BRD4: variants seen among roughly 807,000 people sequenced by gnomAD.
BRD4 encodes bromodomain containing 4, also known as bromodomain-containing protein 4.
A neutral mutation model predicts 142.1 loss-of-function variants in BRD4; 16 were observed. The ratio of observed to expected loss-of-function variants is 0.11; its 90% CI spans 0.08 to 0.17. The LOEUF is 0.17. Ranked by LOEUF, BRD4 falls within the 10% of genes least tolerant of loss-of-function variation. BRD4 has a pLI of 1.00. For synonymous variants in BRD4, 833 were observed against 707.5 expected (o/e 1.18, Z -2.82); for missense variants, 1,424 against 1,810.9 (o/e 0.79, Z 3.88).
In BRD4 at chr19:15,314,635, G is replaced by A. The variant is rs559512750; in HGVS notation, c.-35+17655C>T. ...CAATGACAGCATCCATGAGGATGTCGACAAGCTCCACATGGTCAAGGAACT... is the reference window on the plus strand; with the variant it reads ...CAATGACAGCATCCATGAGGATGTCAACAAGCTCCACATGGTCAAGGAACT... On this transcript the variant is annotated intron_variant, in intron 1 of 19. Coordinates refer to ENST00000679869, the MANE Select transcript of BRD4 (RefSeq NM_001379291.1). 1.2e-4 allele frequency among the ~76,000 whole-genome samples: 19 copies of A among 152,210 alleles called. No homozygotes were observed. The South Asian group carries it at 2.9e-3, about 23-fold the overall frequency.
chr19:15,296,930 C>G (rs535100201), intron 1 of BRD4, among the ~76,000 whole-genome samples: 13 of 152,202 alleles, frequency 8.5e-5, no homozygotes, highest in African/African-American at 2.2e-4. Context: ...AGAAGCCCCC[C>G]CCACCAACAG....
chr19:15,253,544 A>G (rs1395003732), intron 11 of BRD4: 2 of 1,548,622 alleles, frequency 1.3e-6, no homozygotes, highest in African/African-American at 2.7e-5. Context: ...GTGCGTGTGG[A>G]GTTAGGGCAG....
chr19:15,316,485 G>A (rs1427486833), intron 1 of BRD4, among the ~76,000 whole-genome samples: 1 of 152,108 alleles, frequency 6.6e-6, no homozygotes, highest in East Asian at 1.9e-4. Flanking sequence ...CAGCAACTCA[G>A]GAGGCTGAGG....
At chr19:15,310,213 CTTT>C (rs34519343) in intron 1 of BRD4, among the ~76,000 whole-genome samples, 6 of 122,404 alleles carry the variant, frequency 4.9e-5, no homozygotes, top group Admixed American at 1.8e-4. Context: ...TTAAACAGTC[CTTT>C]TTTTTTTTTT....
chr19:15,283,577 C>T (rs2047720377), intron 1 of BRD4, among the ~76,000 whole-genome samples: 1 of 152,166 alleles, frequency 6.6e-6, no homozygotes, highest in Admixed American at 6.5e-5. Context: ...TTCATGACCA[C>T]AATGCCTGTG....
Position 15,236,879 on chromosome 19 carries a change from C to T in BRD4, c.*1498G>A, listed in dbSNP as rs2047195726. ...GTGTTTATTCCATGATCAGTACAGA[C>T]CAAATGCATATTCACCGTATGAAAG... On this transcript the variant is annotated 3_prime_UTR_variant, in exon 20 of 20. Coordinates refer to ENST00000679869, the MANE Select transcript of BRD4 (RefSeq NM_001379291.1). 1.0e-5 allele frequency: 2 copies of T among 197,988 alleles called. No homozygotes were observed. The highest frequency in any genetic ancestry group is 2.1e-5 in the Non-Finnish European group (2 of 95,782). 12.3% of individuals were successfully genotyped at this position (197,988 alleles called of 1,614,324 possible).
At chr19:15,308,115 C>CAA (rs57642262) in intron 1 of BRD4, among the ~76,000 whole-genome samples, 1,843 of 21,120 alleles carry the variant, frequency 0.087, 116 homozygotes, top group Non-Finnish European at 0.11. Context: ...GACTCCGTCT[C>CAA]AAAAAAAAAA....
chr19:15,282,001 G>C, intron 1 of BRD4, among the ~76,000 whole-genome samples: 1 of 151,908 alleles, frequency 6.6e-6, no homozygotes, highest in East Asian at 1.9e-4. Context: ...CTGGGCAACA[G>C]AGCGAGACTC....
intron 9 of BRD4, 133 bp from the exon 10 acceptor site, chr19:15,255,725 G>A (rs1003528201): frequency 1.0e-5 from 12 of 1,188,294 alleles, no homozygotes; most frequent in African/African-American, 3.1e-5. Context: ...CACAGGAAAC[G>A]GGGCATGGGC....
intron 1 of BRD4, among the ~76,000 whole-genome samples, chr19:15,315,966 C>A (rs1329693738): frequency 6.8e-6 from 1 of 147,114 alleles, no homozygotes; most frequent in African/African-American, 2.5e-5. Context: ...CCATCCTGGT[C>A]TAACTCGATG....
intron 7 of BRD4, among the ~76,000 whole-genome samples, chr19:15,262,289 G>A (rs2047479906): frequency 6.6e-6 from 1 of 152,146 alleles, no homozygotes; most frequent in Admixed American, 6.5e-5. Context: ...AGCCCGCTGA[G>A]GCCTACAATG....
Position 15,239,224 on chromosome 19 carries a change from A to G in BRD4, c.3617T>C (p.Val1206Ala). ...IKNMGSWASL[V>A]QKHPTTPSST... ...GGAGGGGGTGGTCGGATGCTTCTGC[A>G]CTAGGCTGGCCCAGGAGCCCATGTT... Residue 1206 changes from valine to alanine, a missense_variant, in exon 18 of 20, where the codon GTG (valine) becomes GCG (alanine). Physicochemically the swap from Val to Ala is moderately conservative, Grantham distance 64 (BLOSUM62 0). This residue lies in a region of BRD4 where 49 missense variants were observed against 97.3 expected (regional missense o/e 0.50). Transcript: ENST00000679869. This position sits in a 1 kb window ranked among gnomAD's most constrained non-coding sequence, Gnocchi z 7.4. 2 of 1,613,232 alleles carry G rather than the reference A, an allele frequency of 1.2e-6. No homozygotes were observed. Among genetic ancestry groups the G allele is most frequent in the Non-Finnish European group, 1.7e-6 (2 of 1,180,002 alleles).
At chr19:15,264,020 A>C in intron 6 of BRD4, 1 of 244,370 alleles carries the variant, frequency 4.1e-6, no homozygotes. Context: ...GCGTGCCTCC[A>C]ACACAGAGGA....
chr19:15,307,390 A>G (rs1393213166), intron 1 of BRD4, among the ~76,000 whole-genome samples: 1 of 152,124 alleles, frequency 6.6e-6, no homozygotes, highest in Non-Finnish European at 1.5e-5. Flanking sequence ...AGATTAAGCA[A>G]CCTGCTCCAG....
At chr19:15,281,647 G>A (rs1301601671) in intron 1 of BRD4, among the ~76,000 whole-genome samples, 3 of 152,188 alleles carry the variant, frequency 2.0e-5, no homozygotes, top group Non-Finnish European at 2.9e-5. Flanking sequence ...AAATCTGGGC[G>A]GATGGATTCA....
chr19:15,246,294 G>A (rs1484152611), intron 11 of BRD4, among the ~76,000 whole-genome samples: 1 of 152,106 alleles, frequency 6.6e-6, no homozygotes, highest in Non-Finnish European at 1.5e-5. Context: ...GGGGAGGAGC[G>A]CTGGCTGCAG....
intron 5 of BRD4, 142 bp from the exon 6 acceptor site, chr19:15,264,908 G>A (rs1225774250): frequency 3.7e-6 from 5 of 1,345,806 alleles, no homozygotes; most frequent in Non-Finnish European, 5.1e-6. Flanking sequence ...CACAGGCAAA[G>A]GGCCAAGGAC....
chr19:15,273,146 A>G lies in BRD4; in HGVS notation c.-34-13T>C. ...TTCACCAGGCACTCTACAAAGGAAG[A>G]GAAGAGCCCCCGTGAGATATCAGTC... On this transcript the variant is annotated splice_polypyrimidine_tract_variant and intron_variant, in intron 1 of 19. Coordinates refer to ENST00000679869, the MANE Select transcript of BRD4 (RefSeq NM_001379291.1). 1.3e-6 allele frequency: 2 copies of G among 1,536,784 alleles called. No homozygotes were observed. The highest frequency in any genetic ancestry group is 1.8e-6 in the Non-Finnish European group (2 of 1,140,210).
intron 1 of BRD4, among the ~76,000 whole-genome samples, chr19:15,310,163 T>TC (rs1351766247): frequency 3.3e-5 from 5 of 149,454 alleles, no homozygotes; most frequent in African/African-American, 1.2e-4. Flanking sequence ...ATAGGATGAG[T>TC]CCCCTGGGAG....
Sources: gnomAD v4.1 joint callset for allele counts (sites outside exome capture counted in the v4.1 genomes callset) on GRCh38, gnomAD v4.1.1 for gene constraint, gnomAD v4.1.1 regional missense constraint, Gnocchi (gnomAD v3.1) non-coding constraint, MANE v1.5 for transcripts, NCBI Gene and HGNC (gene_info 2026-07-23, HGNC 2026-07-21) for gene names.